Variants in IQGAP1 observed in about 807,000 individuals in gnomAD.
The protein encoded by IQGAP1 is IQ motif containing GTPase activating protein 1.
IQGAP1 carries 66 observed loss-of-function variants against 215.6 expected under a neutral mutation model. That is an observed-to-expected ratio of 0.31 (90% confidence interval 0.25 to 0.38). The LOEUF (loss-of-function observed/expected upper bound fraction) is 0.38. Among genes scored for constraint, IQGAP1 ranks in the 10% least tolerant of loss-of-function variants. IQGAP1 has a pLI of 1.00. For synonymous variants in IQGAP1, 772 were observed against 728.7 expected, an observed-to-expected ratio of 1.06 and a Z score of -0.96; for missense variants, 1,712 against 1,997.1, an observed-to-expected ratio of 0.86 and a Z score of 2.72.
chr15:90,402,274 T>G (rs768058746), intron 2 of IQGAP1, among the ~76,000 whole-genome samples: 1 of 152,238 alleles, frequency 6.6e-6, no homozygotes, highest in Non-Finnish European at 1.5e-5. Flanking sequence ...AGAAAGGTGT[T>G]CCTTCCTACC....
intron 37 of IQGAP1, among the ~76,000 whole-genome samples, 186 bp from the exon 38 acceptor site, chr15:90,499,809 C>G (rs1189251900): frequency 6.6e-6 from 1 of 152,212 alleles, no homozygotes; most frequent in African/African-American, 2.4e-5. Context: ...CTCCAGCTCT[C>G]AGGCTGGTTG....
At chr15:90,437,095 C>T (rs1405963983) in intron 5 of IQGAP1, among the ~76,000 whole-genome samples, 5 of 149,350 alleles carry the variant, frequency 3.3e-5, no homozygotes, top group Non-Finnish European at 7.4e-5. Context: ...GAGACCTCCT[C>T]AGGAAACTTA....
At chr15:90,448,511 A>G (rs1965555282) in intron 9 of IQGAP1, 62 bp from the exon 10 acceptor site, 2 of 1,431,316 alleles carry the variant, frequency 1.4e-6, no homozygotes, top group Admixed American at 2.6e-5. Flanking sequence ...TGGGGAAGGA[A>G]AACTATTCTA....
chr15:90,454,894 C>T (rs994081831), intron 14 of IQGAP1, among the ~76,000 whole-genome samples: 2 of 152,224 alleles, frequency 1.3e-5, no homozygotes, highest in African/African-American at 4.8e-5. Context: ...ACTTCAGACA[C>T]AAGCTGAAAG....
intron 33 of IQGAP1, among the ~76,000 whole-genome samples, chr15:90,490,880 C>G (rs1052422067): frequency 2.6e-5 from 4 of 152,176 alleles, no homozygotes; most frequent in African/African-American, 9.7e-5. Flanking sequence ...GCGATCTTGG[C>G]TCACTGCAAG....
At chr15:90,405,420 A>G (rs1435792888) in intron 2 of IQGAP1, among the ~76,000 whole-genome samples, 1 of 152,274 alleles carries the variant, frequency 6.6e-6, no homozygotes, top group Non-Finnish European at 1.5e-5. Flanking sequence ...CAGCTTTGAC[A>G]TAAAGACTGT....
intron 4 of IQGAP1, among the ~76,000 whole-genome samples, chr15:90,430,478 C>G (rs969768795): frequency 9.9e-5 from 15 of 152,096 alleles, no homozygotes; most frequent in African/African-American, 3.4e-4. Flanking sequence ...GTACATGTTT[C>G]TTTACAAGGG....
chr15:90,489,798 A>G (rs1966177951), intron 33 of IQGAP1, among the ~76,000 whole-genome samples: 1 of 152,252 alleles, frequency 6.6e-6, no homozygotes, highest in South Asian at 2.1e-4. Flanking sequence ...GAAATTTGAA[A>G]TAAGGAAGGA....
At chr15:90,433,595 TTTCTAAGAATGCCACCGA>T (rs1965331696) in intron 4 of IQGAP1, 106 bp from the exon 5 acceptor site, 1 of 489,602 alleles carries the variant, frequency 2.0e-6, no homozygotes, top group Non-Finnish European at 3.9e-6. Flanking sequence ...CCACCGATGT[TTTCTAAGAATGCCACCGA>T]TGTTTTCTAA....
At position 90,449,654 on chromosome 15, in the gene IQGAP1, A is replaced by G. The variant is rs754298114; in HGVS notation, c.1162+11A>G. The G allele has an allele frequency of 1.9e-5, 31 of 1,603,280 alleles. No individual in the cohort carries two copies. The Admixed American group carries it at 5.1e-4, about 26-fold the overall frequency. On this transcript the variant is annotated intron_variant, in intron 11 of 37. Coordinates refer to ENST00000268182, the MANE Select transcript of IQGAP1 (RefSeq NM_003870.4). ...AGCAATATCAGAGAAGTAAGAGTCC[A>G]TTGAAATTGTATGGGAGGAAAGTTG...
At chr15:90,458,735 C>T (rs1965721433) in intron 15 of IQGAP1, among the ~76,000 whole-genome samples, 2 of 152,108 alleles carry the variant, frequency 1.3e-5, no homozygotes, top group African/African-American at 2.4e-5. Flanking sequence ...ACTTCTTATC[C>T]GAGTAAGTAA....
At chr15:90,484,599 C>T (rs1002727375) in intron 30 of IQGAP1, among the ~76,000 whole-genome samples, 1 of 152,088 alleles carries the variant, frequency 6.6e-6, no homozygotes, top group Non-Finnish European at 1.5e-5. Context: ...AGCTCCACCT[C>T]CTGGGTTCAC....
At chr15:90,422,626 GTATA>G (rs4031444) in intron 2 of IQGAP1, among the ~76,000 whole-genome samples, 3 of 48,106 alleles carry the variant, frequency 6.2e-5, no homozygotes, top group African/African-American at 2.4e-4. Context: ...ATATATATAT[GTATA>G]TATATATATG....
intron 5 of IQGAP1, among the ~76,000 whole-genome samples, chr15:90,437,607 T>A (rs1351848838): frequency 6.6e-6 from 1 of 152,202 alleles, no homozygotes; most frequent in Non-Finnish European, 1.5e-5. Context: ...AGAGGTGTGA[T>A]CTTGACTCAT....
Position 90,483,910 on chromosome 15 carries a change from T to G in IQGAP1, c.3789-310T>G, listed in dbSNP as rs1288647748. ...TAATTTTTGTAAATTAACATCTAGT[T>G]TTGAATTCAGTGCTTCAGAGCACTG... On this transcript the variant is annotated intron_variant, in intron 29 of 37. Coordinates refer to ENST00000268182, the MANE Select transcript of IQGAP1 (RefSeq NM_003870.4). Among the ~76,000 whole-genome samples the G allele has an allele frequency of 2.0e-5, 3 of 152,348 alleles. No individual in the cohort carries two copies. In the East Asian group the frequency reaches 5.8e-4, roughly 29 times the overall value.
At chr15:90,453,419 A>G (rs962161004) in intron 13 of IQGAP1, 127 bp downstream of exon 13, 1 of 665,196 alleles carries the variant, frequency 1.5e-6, no homozygotes. Context: ...GTTTGGTTCT[A>G]CTTTGATTCA....
rs778560463 is a variant in IQGAP1 at position 90,491,315 on chromosome 15, T to C, written c.4249-18T>C. On this transcript the variant is annotated intron_variant, in intron 33 of 37. Transcript: ENST00000268182. The stretch of plus-strand genomic sequence containing the variant: ...TAGTGTGGTAAACTTGCTAAGAACT[T>C]CTTTTTCCCATCCGTAGGAAGCAGA... 1.9e-6 allele frequency: 3 copies of C among 1,610,136 alleles called. No individual in the cohort carries two copies. The South Asian group carries it at 3.3e-5, about 18-fold the overall frequency.
chr15:90,428,730 C>T (rs1266475344), intron 3 of IQGAP1, among the ~76,000 whole-genome samples: 1 of 149,448 alleles, frequency 6.7e-6, no homozygotes, highest in Non-Finnish European at 1.5e-5. Context: ...TGCAGTGAGC[C>T]GATTGTGCCA....
At chr15:90,388,475 C>A in intron 1 of IQGAP1, 79 bp downstream of exon 1, 1 of 1,246,038 alleles carries the variant, frequency 8.0e-7, no homozygotes, top group Non-Finnish European at 1.1e-6. Flanking sequence ...GGGGGCTCGG[C>A]CGGGCGGGTG....
Sources: allele counts gnomAD v4.1 joint callset (sites outside exome capture counted in the v4.1 genomes callset), GRCh38; gene constraint gnomAD v4.1.1; transcripts MANE v1.5; gene names NCBI Gene and HGNC (gene_info 2026-07-23, HGNC 2026-07-21).